Variants in CLYBL observed in about 807,000 individuals in gnomAD.
CLYBL encodes citramalyl-CoA lyase.
CLYBL carries 31 observed loss-of-function variants against 38.9 expected under a neutral mutation model. That is an observed-to-expected ratio of 0.80 (90% CI 0.60 to 1.08). CLYBL has a LOEUF of 1.08. Ranked by LOEUF, CLYBL falls within the 50% of genes least tolerant of loss-of-function variation. CLYBL has a pLI of 0.00. For synonymous variants in CLYBL, 171 were observed against 158.6 expected, an observed-to-expected ratio of 1.08 and a Z score of -0.59; for missense variants, 434 against 411.6, an observed-to-expected ratio of 1.05 and a Z score of -0.47.
At chr13:99,852,886 A>T (rs2051365955) in intron 2 of CLYBL, among the ~76,000 whole-genome samples, 2 of 152,160 alleles carry the variant, frequency 1.3e-5, no homozygotes, top group African/African-American at 4.8e-5. Context: ...CCCTCTCTCC[A>T]TCCATCGATT....
At chr13:99,777,154 C>G (rs779141736) in intron 2 of CLYBL, among the ~76,000 whole-genome samples, 2 of 152,100 alleles carry the variant, frequency 1.3e-5, no homozygotes, top group Admixed American at 6.6e-5. Flanking sequence ...GCTGGGATTA[C>G]AGGCCACCGC....
At chr13:99,871,158 C>G (rs371151363) in intron 7 of CLYBL, 96 bp downstream of exon 7, 1 of 1,388,562 alleles carries the variant, frequency 7.2e-7, no homozygotes, top group South Asian at 1.2e-5. Flanking sequence ...TAAGAAAACT[C>G]ATCGTATCTG....
intron 1 of CLYBL, among the ~76,000 whole-genome samples, chr13:99,627,760 GT>G (rs2046890700): frequency 6.6e-6 from 1 of 152,182 alleles, no homozygotes; most frequent in Non-Finnish European, 1.5e-5. Flanking sequence ...TGAAAAATTA[GT>G]TTGTATGGTT....
intron 1 of CLYBL, among the ~76,000 whole-genome samples, chr13:99,641,812 T>TA (rs971480216): frequency 1.7e-4 from 25 of 148,806 alleles, no homozygotes; most frequent in South Asian, 6.4e-4. Flanking sequence ...ACTCCATCTT[T>TA]AAAAAAAAAA....
intron 1 of CLYBL, among the ~76,000 whole-genome samples, chr13:99,609,775 A>G (rs1004683510): frequency 6.6e-6 from 1 of 152,200 alleles, no homozygotes; most frequent in Non-Finnish European, 1.5e-5. Flanking sequence ...GGCTCAAGCA[A>G]TCTGCCTGCC....
chr13:99,632,747 AAAAAC>A (rs202118647), intron 1 of CLYBL, among the ~76,000 whole-genome samples: 3,940 of 152,210 alleles, frequency 0.026, 79 homozygotes, highest in Middle Eastern at 0.11. Context: ...CCGTCTCAAA[AAAAAC>A]AAAACAAAAA....
At position 99,812,629 on chromosome 13, in the gene CLYBL, A is replaced by G. The variant is rs78777221; in HGVS notation, c.249+39619A>G. Among the ~76,000 whole-genome samples the G allele has an allele frequency of 9.2e-3, 1,409 of 152,346 alleles. 18 individuals carry two copies. The highest frequency in any genetic ancestry group is 0.032 in the African/African-American group (1,329 of 41,576). ...TCTATGACCTCCCTATAGGAGGGAT[A>G]AAGGACCAGGGAGCAAGAAGCTCAG... On this transcript the variant is annotated intron_variant, in intron 2 of 8. Transcript: ENST00000339105.
intron 1 of CLYBL, among the ~76,000 whole-genome samples, chr13:99,672,198 T>C (rs2047575608): frequency 6.6e-6 from 1 of 151,316 alleles, no homozygotes; most frequent in Non-Finnish European, 1.5e-5. Context: ...TTCTTTTTTT[T>C]TTTCTTTTTT....
At chr13:99,699,918 G>A (rs1314835000) in intron 1 of CLYBL, among the ~76,000 whole-genome samples, 6 of 152,058 alleles carry the variant, frequency 3.9e-5, no homozygotes, top group South Asian at 2.1e-4. Context: ...CGTGAACCAC[G>A]GAGGCGGAGC....
intron 7 of CLYBL, among the ~76,000 whole-genome samples, chr13:99,890,082 CTTTGGGTTCTGA>C (rs1296862636): frequency 6.6e-6 from 1 of 152,218 alleles, no homozygotes; most frequent in Non-Finnish European, 1.5e-5. Flanking sequence ...CAGACATTAA[CTTTGGGTTCTGA>C]GCATGCTGCT....
intron 7 of CLYBL, among the ~76,000 whole-genome samples, chr13:99,871,527 G>A (rs1380347208): frequency 1.3e-5 from 2 of 152,154 alleles, no homozygotes; most frequent in Admixed American, 6.5e-5. Context: ...TTTAAGAGTG[G>A]GAGGTTGTAT....
chr13:99,735,249 A>T (rs1177164700), intron 1 of CLYBL, among the ~76,000 whole-genome samples: 3 of 152,182 alleles, frequency 2.0e-5, no homozygotes, highest in African/African-American at 7.2e-5. Context: ...ACTGAAGTGC[A>T]GTGGTGTGAT....
intron 2 of CLYBL, among the ~76,000 whole-genome samples, chr13:99,781,778 AGTTT>A (rs2049661317): frequency 6.6e-6 from 1 of 152,134 alleles, no homozygotes; most frequent in South Asian, 2.1e-4. Flanking sequence ...ATGGCTGGCC[AGTTT>A]GTTTATTTTC....
intron 2 of CLYBL, among the ~76,000 whole-genome samples, chr13:99,854,132 T>C (rs1388900176): frequency 6.6e-6 from 1 of 152,196 alleles, no homozygotes; most frequent in Non-Finnish European, 1.5e-5. Flanking sequence ...GTCTTTCCTA[T>C]TTCTTAATTA....
chr13:99,618,634 G>A (rs1201398332), intron 1 of CLYBL, among the ~76,000 whole-genome samples: 2 of 152,124 alleles, frequency 1.3e-5, no homozygotes, highest in Non-Finnish European at 2.9e-5. Flanking sequence ...TTGTACAACT[G>A]TCACCACCAT....
At chr13:99,620,990 A>G (rs2763945) in intron 1 of CLYBL, among the ~76,000 whole-genome samples, 54,049 of 151,902 alleles carry the variant, frequency 0.36, 10,052 homozygotes, top group Non-Finnish European at 0.41. Flanking sequence ...TGTTCTCTGG[A>G]CAAAGTCCCA....
chr13:99,756,907 A>AT (rs1267528190), intron 1 of CLYBL, among the ~76,000 whole-genome samples: 3 of 151,802 alleles, frequency 2.0e-5, no homozygotes, highest in South Asian at 2.1e-4. Flanking sequence ...TTATTTTATT[A>AT]TTTTTTTTCA....
chr13:99,845,588 C>T (rs2051182369), intron 2 of CLYBL, among the ~76,000 whole-genome samples: 2 of 152,126 alleles, frequency 1.3e-5, no homozygotes, highest in South Asian at 2.1e-4. Context: ...AGCATTTGCT[C>T]GAGGAAAACA....
At chr13:99,779,618 G>A (rs936346167) in intron 2 of CLYBL, among the ~76,000 whole-genome samples, 3 of 152,158 alleles carry the variant, frequency 2.0e-5, no homozygotes, top group Non-Finnish European at 4.4e-5. Flanking sequence ...TGCTGGTTGG[G>A]TGACAGCAAT....
Sources: gnomAD v4.1 joint callset for allele counts (sites outside exome capture counted in the v4.1 genomes callset) on GRCh38, gnomAD v4.1.1 for gene constraint, MANE v1.5 for transcripts, NCBI Gene and HGNC (gene_info 2026-07-23, HGNC 2026-07-21) for gene names.